PPP1R2: variants seen among roughly 807,000 people sequenced by gnomAD.
PPP1R2 encodes the protein protein phosphatase 1 regulatory inhibitor subunit 2, also known as protein phosphatase inhibitor 2.
Under a neutral mutation model 29.9 loss-of-function variants are expected in PPP1R2, and 16 were observed. That is an observed-to-expected ratio of 0.53 (90% CI 0.36 to 0.81). PPP1R2 has a LOEUF of 0.81. Among genes scored for constraint, PPP1R2 ranks in the 30% least tolerant of loss-of-function variants. The pLI, the probability that PPP1R2 is intolerant of heterozygous loss-of-function variation, is 0.00. For synonymous variants in PPP1R2, 76 were observed against 91.5 expected (o/e 0.83, Z 0.96); for missense variants, 197 against 252.7 (o/e 0.78, Z 1.49).
At chr3:195,524,950 A>T in intron 2 of PPP1R2, 54 bp from the exon 3 acceptor site, 1 of 1,476,474 alleles carries the variant, frequency 6.8e-7, no homozygotes, top group East Asian at 2.3e-5. Context: ...TTTCAGCCAC[A>T]AAAACAAGGG....
intron 1 of PPP1R2, among the ~76,000 whole-genome samples, chr3:195,541,190 C>T (rs1719578475): frequency 1.3e-5 from 2 of 152,132 alleles, no homozygotes. Context: ...TAAATCCCAA[C>T]CAATTACAGA....
At chr3:195,540,622 G>A (rs1221678419) in intron 1 of PPP1R2, among the ~76,000 whole-genome samples, 2 of 152,154 alleles carry the variant, frequency 1.3e-5, no homozygotes, top group Non-Finnish European at 2.9e-5. Context: ...TCTGATGAAT[G>A]GATTAATCTA....
chr3:195,541,897 G>C (rs1310890861), intron 1 of PPP1R2, among the ~76,000 whole-genome samples: 2 of 152,084 alleles, frequency 1.3e-5, no homozygotes, highest in African/African-American at 4.8e-5. Context: ...CCACCACCAA[G>C]CAGTAGTTCC....
chr3:195,532,215 CTTTTTTTTTT>C (rs146508182), intron 1 of PPP1R2, among the ~76,000 whole-genome samples: 1 of 120,180 alleles, frequency 8.3e-6, no homozygotes, highest in African/African-American at 3.2e-5. Context: ...TTTTCTTTTT[CTTTTTTTTTT>C]TTTTTTTTTA....
chr3:195,543,213 A>G lies in PPP1R2; in HGVS notation c.-188T>C, dbSNP rs901237011. 9.4e-6 allele frequency: 7 copies of G among 744,898 alleles called. No homozygotes were observed. The highest frequency in any genetic ancestry group is 1.4e-5 in the Non-Finnish European group (7 of 494,902). 46.1% of individuals were successfully genotyped at this position (744,898 alleles called of 1,614,324 possible). On this transcript the variant is annotated 5_prime_UTR_variant, in exon 1 of 6. Coordinates refer to ENST00000618156, the MANE Select transcript of PPP1R2 (RefSeq NM_006241.8). The stretch of plus-strand genomic sequence containing the variant: ...CACAACGACCCCGACGCCAGAGCCA[A>G]CGCCGAACGGGTGGCGGCTACTCGC...
chr3:195,519,231 T>G (rs561629503), intron 4 of PPP1R2, 46 bp from the exon 5 acceptor site: 6 of 1,375,444 alleles, frequency 4.4e-6, no homozygotes, highest in Non-Finnish European at 6.1e-6. Context: ...GCTCAAGGAT[T>G]GGCCCATGCC....
chr3:195,539,755 TA>T (rs1719523831), intron 1 of PPP1R2, among the ~76,000 whole-genome samples: 1 of 152,102 alleles, frequency 6.6e-6, no homozygotes, highest in African/African-American at 2.4e-5. Context: ...CTGAGTCATC[TA>T]AAAAAATAAA....
At chr3:195,536,293 TAAAAAAAAAA>T (rs10645669) in intron 1 of PPP1R2, among the ~76,000 whole-genome samples, 6,836 of 115,542 alleles carry the variant, frequency 0.059, 285 homozygotes, top group South Asian at 0.21. Context: ...ACCCTGTCTT[TAAAAAAAAAA>T]AAAAAAAAAA....
At chr3:195,533,270 G>A (rs1184457496) in intron 1 of PPP1R2, among the ~76,000 whole-genome samples, 1 of 151,810 alleles carries the variant, frequency 6.6e-6, no homozygotes, top group Non-Finnish European at 1.5e-5. Flanking sequence ...ACTTGAACCC[G>A]GGAGGCAGGG....
At chr3:195,541,739 T>C (rs1228221713) in intron 1 of PPP1R2, among the ~76,000 whole-genome samples, 1 of 152,132 alleles carries the variant, frequency 6.6e-6, no homozygotes, top group Non-Finnish European at 1.5e-5. Context: ...TGGAAAATTG[T>C]GTGTGAGAGA....
chr3:195,530,016 AT>A, intron 1 of PPP1R2, 115 bp from the exon 2 acceptor site: 1 of 685,698 alleles, frequency 1.5e-6, no homozygotes, highest in South Asian at 1.9e-5. Flanking sequence ...GCCAACCTCT[AT>A]TTTCACATAT....
intron 4 of PPP1R2, among the ~76,000 whole-genome samples, chr3:195,519,939 A>G (rs1196381034): frequency 6.6e-6 from 1 of 151,030 alleles, no homozygotes; most frequent in African/African-American, 2.4e-5. Flanking sequence ...AAAACAACAG[A>G]AAAGGGGGGG....
chr3:195,517,367 T>C (rs1406626690), intron 5 of PPP1R2, among the ~76,000 whole-genome samples: 1 of 152,094 alleles, frequency 6.6e-6, no homozygotes, highest in Non-Finnish European at 1.5e-5. Flanking sequence ...GTCCCAAAAC[T>C]AATGGGTTCT....
intron 1 of PPP1R2, among the ~76,000 whole-genome samples, chr3:195,534,604 T>G (rs950379796): frequency 4.6e-5 from 7 of 152,134 alleles, no homozygotes; most frequent in African/African-American, 1.7e-4. Context: ...GCCAGTCTTG[T>G]GGTTGTAGAA....
At chr3:195,531,296 G>A (rs1719171171) in intron 1 of PPP1R2, among the ~76,000 whole-genome samples, 1 of 152,118 alleles carries the variant, frequency 6.6e-6, no homozygotes, top group African/African-American at 2.4e-5. Context: ...TTGTTACTTA[G>A]TATGTACTTG....
intron 1 of PPP1R2, among the ~76,000 whole-genome samples, chr3:195,538,282 C>T (rs1719466437): frequency 6.6e-6 from 1 of 152,194 alleles, no homozygotes; most frequent in Non-Finnish European, 1.5e-5. Flanking sequence ...CTTCTTGTTG[C>T]TTGTGACTTG....
rs1194012894 is a variant in PPP1R2, at chr3:195,516,438, A to G, written c.*458T>C. 1 of 153,524 alleles carries G rather than the reference A, an allele frequency of 6.5e-6. No individual in the cohort carries two copies. Among genetic ancestry groups the G allele is most frequent in the African/African-American group, 2.4e-5 (1 of 41,494 alleles). 9.5% of individuals were successfully genotyped at this position (153,524 alleles called of 1,614,324 possible). ...AATCAAGTTGAAGACAAGTGTTAAA[A>G]TACTATTCAGCCTAAATATTTATCA... On this transcript the variant is annotated 3_prime_UTR_variant, in exon 6 of 6. Coordinates refer to ENST00000618156, the MANE Select transcript of PPP1R2 (RefSeq NM_006241.8).
intron 1 of PPP1R2, among the ~76,000 whole-genome samples, chr3:195,531,565 C>G (rs568691699): frequency 2.4e-4 from 37 of 152,214 alleles, no homozygotes; most frequent in Admixed American, 2.4e-3. Context: ...GCTTTCTACC[C>G]TAATATACCC....
chr3:195,527,586 T>C (rs1719019574), intron 2 of PPP1R2, among the ~76,000 whole-genome samples: 2 of 152,236 alleles, frequency 1.3e-5, no homozygotes, highest in African/African-American at 4.8e-5. Context: ...TTAAATCATG[T>C]CTGATCTTAA....
Sources: gnomAD v4.1 joint callset for allele counts (sites outside exome capture counted in the v4.1 genomes callset) on GRCh38, gnomAD v4.1.1 for gene constraint, MANE v1.5 for transcripts, NCBI Gene and HGNC (gene_info 2026-07-23, HGNC 2026-07-21) for gene names.